Variants in GPC6 observed in about 807,000 individuals in gnomAD.
GPC6 encodes the protein glypican 6.
A neutral mutation model predicts 55.2 loss-of-function variants in GPC6; 14 were observed. That is an observed-to-expected ratio of 0.25 (90% CI 0.17 to 0.40). The LOEUF is 0.40. Among genes scored for constraint, GPC6 ranks in the 10% least tolerant of loss-of-function variants. The probability of loss-of-function intolerance (pLI) is 1.00; values close to 1 mark genes in which losing one functional copy is unlikely to be tolerated. For synonymous variants in GPC6, 278 were observed against 259.6 expected (o/e 1.07, Z -0.68); for missense variants, 641 against 708.5 (o/e 0.90, Z 1.08).
At chr13:93,977,304 A>C (rs1880562624) in intron 3 of GPC6, among the ~76,000 whole-genome samples, 1 of 152,212 alleles carries the variant, frequency 6.6e-6, no homozygotes, top group Non-Finnish European at 1.5e-5. Context: ...CTGTCAGAGA[A>C]AGAAACAGAG....
intron 2 of GPC6, among the ~76,000 whole-genome samples, chr13:93,812,039 GT>G (rs1886708239): frequency 6.7e-6 from 1 of 150,082 alleles, no homozygotes; most frequent in Non-Finnish European, 1.5e-5. Flanking sequence ...GTGAAGTGGT[GT>G]TATATTTAGG....
At chr13:93,956,033 C>G (rs1214822437) in intron 3 of GPC6, among the ~76,000 whole-genome samples, 1 of 152,134 alleles carries the variant, frequency 6.6e-6, no homozygotes, top group Non-Finnish European at 1.5e-5. Flanking sequence ...ACTACTAGAG[C>G]CACTCCTGTC....
intron 1 of GPC6, among the ~76,000 whole-genome samples, chr13:93,255,248 G>T (rs1024509040): frequency 1.3e-5 from 2 of 152,066 alleles, no homozygotes; most frequent in African/African-American, 2.4e-5. Flanking sequence ...TTTCGGGTAC[G>T]CATGATAATT....
chr13:93,321,313 C>T (rs755205839), intron 1 of GPC6, among the ~76,000 whole-genome samples: 3 of 152,100 alleles, frequency 2.0e-5, no homozygotes, highest in African/African-American at 7.2e-5. Flanking sequence ...TTAGGCAAAT[C>T]GCATTACTTG....
At chr13:93,364,537 C>T (rs565087543) in intron 1 of GPC6, among the ~76,000 whole-genome samples, 7 of 151,792 alleles carry the variant, frequency 4.6e-5, no homozygotes, top group African/African-American at 1.7e-4. Context: ...CATTTTTTTC[C>T]TTATTTTTAA....
chr13:94,197,013 AC>A (rs1343461971), intron 4 of GPC6, among the ~76,000 whole-genome samples: 6 of 151,632 alleles, frequency 4.0e-5, no homozygotes, highest in African/African-American at 1.5e-4. Context: ...CCATTCTATA[AC>A]AAATGATGTC....
At chr13:93,498,803 C>A (rs898864588) in intron 1 of GPC6, among the ~76,000 whole-genome samples, 4 of 152,096 alleles carry the variant, frequency 2.6e-5, no homozygotes, top group Admixed American at 6.6e-5. Context: ...GTGCCATATT[C>A]TTTATGATAT....
At chr13:93,529,018 A>G (rs569422633) in intron 1 of GPC6, among the ~76,000 whole-genome samples, 1 of 152,226 alleles carries the variant, frequency 6.6e-6, no homozygotes, top group East Asian at 1.9e-4. Context: ...TCACAAAGTG[A>G]TACTTTCTAT....
intron 3 of GPC6, among the ~76,000 whole-genome samples, chr13:93,857,706 C>T (rs981058066): frequency 4.0e-5 from 6 of 151,482 alleles, no homozygotes; most frequent in African/African-American, 7.3e-5. Context: ...TCAGCAAATG[C>T]GTTAAAGCAA....
At chr13:93,621,372 G>C (rs1409226141) in intron 2 of GPC6, among the ~76,000 whole-genome samples, 1 of 152,110 alleles carries the variant, frequency 6.6e-6, no homozygotes, top group Non-Finnish European at 1.5e-5. Context: ...TGCATTCCTT[G>C]AGTAGTTTGT....
intron 2 of GPC6, among the ~76,000 whole-genome samples, chr13:93,797,274 A>G (rs1044482532): frequency 6.6e-6 from 1 of 152,220 alleles, no homozygotes; most frequent in South Asian, 2.1e-4. Context: ...TTGTGTACCA[A>G]GGGTAAATAT....
intron 1 of GPC6, among the ~76,000 whole-genome samples, chr13:93,266,041 C>A (rs1047458766): frequency 6.6e-6 from 1 of 152,108 alleles, no homozygotes; most frequent in African/African-American, 2.4e-5. Flanking sequence ...ACCAGCCTAC[C>A]ACTGTACATG....
rs765190621 is a variant in GPC6 at position 94,403,212 on chromosome 13, A to G, written c.1663A>G (p.Arg555Gly). 45 of 1,611,930 alleles carry G rather than the reference A, an allele frequency of 2.8e-5. No homozygotes were observed. In the Middle Eastern group the frequency reaches 5.0e-4, roughly 18 times the overall value. ...TGTCCTGGCACTGCAGAGACTGTGC[A>G]GATAATCTTGGGTTTTTGGTCAGAT... ...CIVLALQRLC[R>G] Residue 555 changes from arginine to glycine, a missense_variant, in exon 9 of 9, where the codon AGA (arginine) becomes GGA (glycine). Arg to Gly is a moderately radical substitution (Grantham distance 125, BLOSUM62 -2). Transcript: ENST00000377047.
chr13:93,725,726 G>A (rs570157009), intron 2 of GPC6, among the ~76,000 whole-genome samples: 21 of 151,802 alleles, frequency 1.4e-4, no homozygotes, highest in African/African-American at 5.1e-4. Flanking sequence ...TGTTAACAAA[G>A]CATCTATATC....
chr13:93,652,858 A>T (rs1880478276), intron 2 of GPC6, among the ~76,000 whole-genome samples: 2 of 152,212 alleles, frequency 1.3e-5, no homozygotes, highest in Admixed American at 1.3e-4. Context: ...AGTTCATTTG[A>T]CTTTCGGTAT....
intron 3 of GPC6, among the ~76,000 whole-genome samples, chr13:93,911,308 A>C (rs2140335955): frequency 6.6e-6 from 1 of 152,314 alleles, no homozygotes; most frequent in South Asian, 2.1e-4. Flanking sequence ...CTATACCTTA[A>C]GAAAATGGAA....
intron 2 of GPC6, among the ~76,000 whole-genome samples, chr13:93,624,444 G>A (rs1355787884): frequency 6.6e-6 from 1 of 152,148 alleles, no homozygotes; most frequent in Admixed American, 6.6e-5. Context: ...TTCAATCTGT[G>A]TTATCTTAAA....
At chr13:93,498,374 T>C (rs556200249) in intron 1 of GPC6, among the ~76,000 whole-genome samples, 3 of 152,300 alleles carry the variant, frequency 2.0e-5, no homozygotes, top group South Asian at 4.1e-4. Context: ...AACTGTCTGA[T>C]TTCTTACATA....
chr13:93,422,137 C>A (rs542860788), intron 1 of GPC6, among the ~76,000 whole-genome samples: 1 of 152,216 alleles, frequency 6.6e-6, no homozygotes, highest in South Asian at 2.1e-4. Context: ...AATAAATGCA[C>A]ATTTGTTGGA....
Sources: gnomAD v4.1 joint callset for allele counts (sites outside exome capture counted in the v4.1 genomes callset) on GRCh38, gnomAD v4.1.1 for gene constraint, MANE v1.5 for transcripts, NCBI Gene and HGNC (gene_info 2026-07-23, HGNC 2026-07-21) for gene names.